Variants in ZNF107 observed in about 807,000 individuals in gnomAD.
ZNF107 encodes the protein C2H2 type zinc-finger protein.
A neutral mutation model predicts 12.3 loss-of-function variants in ZNF107; 19 were observed. That is an observed-to-expected ratio of 1.55 (90% CI 1.08 to 2.27). The LOEUF (loss-of-function observed/expected upper bound fraction) is 2.27. Ranked by LOEUF, ZNF107 falls within the 30% of genes most tolerant of loss-of-function variation. The pLI is 0.00. For synonymous variants in ZNF107, 317 were observed against 330.5 expected (o/e 0.96, Z 0.44); for missense variants, 958 against 979.9 (o/e 0.98, Z 0.30).
chr7:64,704,061 C>A (rs762113133), intron 3 of ZNF107, among the ~76,000 whole-genome samples: 4 of 151,742 alleles, frequency 2.6e-5, no homozygotes, highest in African/African-American at 7.2e-5. Context: ...TTATTCATTA[C>A]GTCTGCCCTC....
chr7:64,707,088 C>G lies in ZNF107; in HGVS notation c.991C>G (p.His331Asp). The G allele has an allele frequency of 1.9e-6, 3 of 1,612,400 alleles. No individual in the cohort carries two copies. Among genetic ancestry groups the G allele is most frequent in the Non-Finnish European group, 2.5e-6 (3 of 1,179,456 alleles). The change falls in exon 4 of 4, where the codon CAT becomes GAT. Residue 331 changes from histidine (H) to aspartate (D), a missense_variant. His to Asp is a moderately conservative substitution (Grantham distance 81). Coordinates refer to ENST00000620827, the MANE Select transcript of ZNF107 (RefSeq NM_001282359.2). Reference sequence around the variant, plus strand: ...TAACCTATTCTCAAATCTTACTAACCATAAGAGAATTCATGCTGGGGAGAA... The same window carrying G: ...TAACCTATTCTCAAATCTTACTAACGATAAGAGAATTCATGCTGGGGAGAA... The part of the protein sequence containing the change: ...AFNLFSNLTN[H>D]KRIHAGEKPY...
chr7:64,683,697 C>A (rs945322133), intron 1 of ZNF107, among the ~76,000 whole-genome samples: 1 of 152,090 alleles, frequency 6.6e-6, no homozygotes, highest in African/African-American at 2.4e-5. Flanking sequence ...CATGGAAGTC[C>A]GTCCTTAAAC....
In ZNF107 at chr7:64,709,402, C is replaced by G. The variant is rs1790810660; in HGVS notation, c.*746C>G. The G allele has an allele frequency of 2.9e-6, 1 of 342,484 alleles. No individual in the cohort carries two copies. 21.2% of individuals were successfully genotyped at this position (342,484 alleles called of 1,614,324 possible). ...TGCAAATGTGAATAATGTGGCAATA[C>G]TTTAAACCAATCCTCAAACCTCACT... is the stretch of plus-strand genomic sequence containing the variant. On this transcript the variant is annotated 3_prime_UTR_variant, in exon 4 of 4. Transcript: ENST00000620827.
chr7:64,686,894 T>C, intron 1 of ZNF107: 2 of 985,466 alleles, frequency 2.0e-6, no homozygotes, highest in African/African-American at 1.7e-5. Context: ...ACACAAAGTC[T>C]GCTTGGGTCT....
At chr7:64,689,550 C>T (rs3750029) in intron 1 of ZNF107, 52,874 of 152,064 alleles carry the variant, frequency 0.35, 9,702 homozygotes, top group Non-Finnish European at 0.4. Flanking sequence ...TATACCTACC[C>T]GTAAAATGTA....
chr7:64,687,243 G>A (rs150281903), intron 1 of ZNF107: 17,146 of 986,250 alleles, frequency 0.017, 182 homozygotes, highest in South Asian at 0.032. Context: ...AGAACTCTTG[G>A]AGCTATCTCT....
intron 1 of ZNF107, chr7:64,687,435 T>C: frequency 2.0e-6 from 2 of 985,504 alleles, no homozygotes; most frequent in Non-Finnish European, 2.4e-6. Flanking sequence ...GAAGTGCTGC[T>C]GTGGCAGTTG....
rs556747536 is a variant in ZNF107 at position 64,705,493 on chromosome 7, A to G, written c.227-831A>G. On this transcript the variant is annotated intron_variant, in intron 3 of 3. Transcript: ENST00000620827. ...AATGGTTGCTTTCTGAAAATTTTATAATTTTTGTGGGGCTGTATTGCCCTA... is the reference window on the plus strand; with the variant it reads ...AATGGTTGCTTTCTGAAAATTTTATGATTTTTGTGGGGCTGTATTGCCCTA... Among the ~76,000 whole-genome samples the G allele has an allele frequency of 6.6e-5, 10 of 152,048 alleles. No individual in the cohort carries two copies. The South Asian group carries it at 2.1e-3, about 32-fold the overall frequency.
chr7:64,691,886 A>G lies in ZNF107; in HGVS notation c.152A>G (p.Tyr51Cys). 6.7e-7 allele frequency: 1 copy of G among 1,494,940 alleles called. No homozygotes were observed. The highest frequency in any genetic ancestry group is 8.9e-7 in the Non-Finnish European group (1 of 1,129,908). 92.6% of individuals were successfully genotyped at this position (1,494,940 alleles called of 1,614,324 possible). The change falls in exon 3 of 4, where the codon TAT becomes TGT. Residue 51 changes from tyrosine (Y) to cysteine (C), a missense_variant. By Grantham distance (194) the Tyr-to-Cys change is radical. Transcript: ENST00000620827. Reference sequence around the variant, plus strand: ...ACAGGTATTGCTGTCTCTAAGCCATATCTGATCACCTGTCTGGAGCAAAAA... The same window carrying G: ...ACAGGTATTGCTGTCTCTAAGCCATGTCTGATCACCTGTCTGGAGCAAAAA... ...VFLGIAVSKP[Y>C]LITCLEQKKE...
intron 1 of ZNF107, among the ~76,000 whole-genome samples, chr7:64,668,738 T>C (rs10273013): frequency 0.35 from 52,784 of 151,912 alleles, 9,684 homozygotes; most frequent in Non-Finnish European, 0.4. Context: ...TACTCAGGTG[T>C]GTTTTTTATG....
intron 1 of ZNF107, chr7:64,679,211 G>A (rs1224273710): frequency 1.0e-6 from 1 of 984,792 alleles, no homozygotes; most frequent in Non-Finnish European, 1.2e-6. Context: ...GCTGAAATCC[G>A]GGATAGGGGA....
intron 1 of ZNF107, among the ~76,000 whole-genome samples, chr7:64,668,402 C>T (rs973212670): frequency 3.5e-5 from 5 of 144,250 alleles, no homozygotes; most frequent in Admixed American, 2.2e-4. Context: ...TGAGAACATG[C>T]GGTGTTTGGT....
chr7:64,700,653 C>T (rs1014139298), intron 3 of ZNF107, among the ~76,000 whole-genome samples: 1 of 151,494 alleles, frequency 6.6e-6, no homozygotes, highest in Non-Finnish European at 1.5e-5. Context: ...GATTCTTCTG[C>T]CTCAGCCTCT....
intron 3 of ZNF107, among the ~76,000 whole-genome samples, chr7:64,695,830 A>G (rs904238214): frequency 1.1e-4 from 17 of 152,206 alleles, no homozygotes; most frequent in African/African-American, 4.1e-4. Flanking sequence ...ATTTGAGGCA[A>G]TTTTTGAAAA....
At chr7:64,686,541 TA>T in intron 1 of ZNF107, 4 of 985,358 alleles carry the variant, frequency 4.1e-6, no homozygotes, top group Non-Finnish European at 4.8e-6. Flanking sequence ...CTTTTCTTAT[TA>T]AAACAAAAAG....
chr7:64,701,858 T>A (rs1340504119), intron 3 of ZNF107, among the ~76,000 whole-genome samples: 2 of 152,132 alleles, frequency 1.3e-5, no homozygotes, highest in African/African-American at 4.8e-5. Context: ...TAGGATCAAG[T>A]GTTCAGCCCA....
At chr7:64,671,255 C>A (rs902188842) in intron 1 of ZNF107, among the ~76,000 whole-genome samples, 5 of 152,096 alleles carry the variant, frequency 3.3e-5, no homozygotes, top group Non-Finnish European at 7.3e-5. Flanking sequence ...TTATAGACCC[C>A]CTTTTCTCGC....
In ZNF107 at chr7:64,709,453, T is replaced by C. The variant is rs1263652855; in HGVS notation, c.*797T>C. The C allele has an allele frequency of 1.2e-5, 4 of 344,948 alleles. No homozygotes were observed. The highest frequency in any genetic ancestry group is 8.7e-5 in the African/African-American group (4 of 45,838). The allele number at this position is 344,948 out of a possible 1,614,324, so 21.4% of individuals were successfully genotyped here. On this transcript the variant is annotated 3_prime_UTR_variant, in exon 4 of 4. Transcript: ENST00000620827. Reference sequence around the variant, plus strand: ...AAACATAAGATAATACTGAAAACTTTACAAACCTGAATGATGTGACAATAA... The same window carrying C: ...AAACATAAGATAATACTGAAAACTTCACAAACCTGAATGATGTGACAATAA...
intron 1 of ZNF107, among the ~76,000 whole-genome samples, chr7:64,682,539 T>C (rs1789725370): frequency 6.6e-6 from 1 of 152,050 alleles, no homozygotes; most frequent in South Asian, 2.1e-4. Flanking sequence ...ACCCAGCCCT[T>C]CTCTCTACAT....
Sources: allele counts gnomAD v4.1 joint callset (sites outside exome capture counted in the v4.1 genomes callset), GRCh38; gene constraint gnomAD v4.1.1; transcripts MANE v1.5; gene names NCBI Gene and HGNC (gene_info 2026-07-23, HGNC 2026-07-21).